The following C10orf67 variants were observed in gnomAD, a reference collection of about 807,000 sequenced individuals.
C10orf67 encodes chromosome 10 open reading frame 67.
In C10orf67, 60 loss-of-function variants were observed where a neutral mutation model predicts 35.6. The ratio of observed to expected loss-of-function variants is 1.68; its 90% CI spans 1.37 to 2.09. The LOEUF is 2.09. Ranked by LOEUF, C10orf67 falls within the 30% of genes most tolerant of loss-of-function variation. The pLI is 0.00. For missense variants in C10orf67, 474 were observed against 330.2 expected (o/e 1.44, Z -3.38); for synonymous variants, 167 against 115.8 (o/e 1.44, Z -2.84).
intron 15 of C10orf67, among the ~76,000 whole-genome samples, chr10:23,208,898 G>A (rs1841230202): frequency 6.6e-6 from 1 of 152,086 alleles, no homozygotes. Context: ...AGCAAGCTTG[G>A]CTTAGCCTAC....
chr10:23,340,345 A>G (rs1189384485), intron 1 of C10orf67, among the ~76,000 whole-genome samples: 5 of 77,616 alleles, frequency 6.4e-5, no homozygotes, highest in Non-Finnish European at 9.7e-5. Flanking sequence ...TCTCTACAAA[A>G]ATACAAAAAA....
At chr10:23,322,969 G>C (rs1266444757) in intron 2 of C10orf67, among the ~76,000 whole-genome samples, 1 of 152,080 alleles carries the variant, frequency 6.6e-6, no homozygotes, top group Non-Finnish European at 1.5e-5. Context: ...CCTGGTCAGA[G>C]GTCTGTCCTG....
chr10:23,298,273 A>G (rs1442593234), intron 5 of C10orf67, among the ~76,000 whole-genome samples: 1 of 151,774 alleles, frequency 6.6e-6, no homozygotes, highest in Non-Finnish European at 1.5e-5. Context: ...AAACAAACAA[A>G]AAAATAAAAA....
At chr10:23,319,003 C>G in intron 4 of C10orf67, 1 of 713,958 alleles carries the variant, frequency 1.4e-6, no homozygotes, top group Non-Finnish European at 2.6e-6. Context: ...CCTTTTTTTT[C>G]TTTCCAATTT....
chr10:23,333,027 T>A, intron 2 of C10orf67, 35 bp downstream of exon 2: 1 of 1,596,898 alleles, frequency 6.3e-7, no homozygotes, highest in Non-Finnish European at 8.5e-7. Context: ...ACGCCAAAAA[T>A]TATCTCAGAA....
rs529848375 is a variant in C10orf67, at chr10:23,265,252, T to C, written c.1200+1010A>G. ...CCCGCTCTGTGGATATGAGGAGTGG[T>C]CCATCTCCTGGAGAGTGGGCACGAG... On this transcript the variant is annotated intron_variant, in intron 10 of 15. Coordinates refer to ENST00000636213, the MANE Select transcript of C10orf67 (RefSeq NM_001371909.1). Among the ~76,000 whole-genome samples, 4 of 152,376 alleles carry C rather than the reference T, an allele frequency of 2.6e-5. No individual in the cohort carries two copies. The East Asian group carries it at 7.7e-4, about 29-fold the overall frequency.
intron 8 of C10orf67, among the ~76,000 whole-genome samples, chr10:23,277,296 T>C (rs1350231357): frequency 6.6e-6 from 1 of 152,176 alleles, no homozygotes; most frequent in African/African-American, 2.4e-5. Flanking sequence ...CTCATGCTTG[T>C]AATTCTAGCA....
chr10:23,285,018 T>A (rs1843491085), intron 7 of C10orf67, among the ~76,000 whole-genome samples: 1 of 152,206 alleles, frequency 6.6e-6, no homozygotes, highest in African/African-American at 2.4e-5. Context: ...ATTGATTTAG[T>A]GCAGGATATT....
chr10:23,287,928 C>A (rs537616725), intron 7 of C10orf67, among the ~76,000 whole-genome samples: 75 of 152,308 alleles, frequency 4.9e-4, no homozygotes, highest in African/African-American at 1.8e-3. Context: ...GATACCATGT[C>A]ACACCAGTCA....
At chr10:23,266,531 G>A (rs1216767724) in intron 9 of C10orf67, 105 bp from the exon 10 acceptor site, 2 of 396,942 alleles carry the variant, frequency 5.0e-6, no homozygotes, top group Admixed American at 8.8e-5. Context: ...TTGCAGAACT[G>A]AGGTTTTCAG....
At chr10:23,312,410 C>G (rs930667405) in intron 4 of C10orf67, among the ~76,000 whole-genome samples, 5 of 152,212 alleles carry the variant, frequency 3.3e-5, no homozygotes, top group African/African-American at 1.2e-4. Context: ...ATTTTTTGAG[C>G]ATTTCCTTGC....
At chr10:23,257,717 G>A (rs1281580473) in intron 10 of C10orf67, among the ~76,000 whole-genome samples, 2 of 152,044 alleles carry the variant, frequency 1.3e-5, no homozygotes, top group African/African-American at 2.4e-5. Context: ...GTGGGAGGAT[G>A]GCCTGAACCC....
intron 4 of C10orf67, among the ~76,000 whole-genome samples, chr10:23,306,549 A>AC (rs1414825232): frequency 3.8e-4 from 57 of 151,050 alleles, no homozygotes; most frequent in Middle Eastern, 3.5e-3. Flanking sequence ...AAAAAAAAAA[A>AC]AAGAATGGTG....
chr10:23,213,658 CAT>C (rs1841365870), intron 15 of C10orf67, among the ~76,000 whole-genome samples: 1 of 152,126 alleles, frequency 6.6e-6, no homozygotes, highest in Non-Finnish European at 1.5e-5. Flanking sequence ...TAAACATACA[CAT>C]ATATTAAAAC....
At chr10:23,333,271 T>C (rs904402546) in intron 1 of C10orf67, 89 bp from the exon 2 acceptor site, 1 of 1,284,432 alleles carries the variant, frequency 7.8e-7, no homozygotes, top group African/African-American at 1.5e-5. Context: ...GTAAATCATA[T>C]CGTATTTTAA....
intron 12 of C10orf67, among the ~76,000 whole-genome samples, chr10:23,240,889 C>T (rs1842161784): frequency 6.6e-6 from 1 of 152,216 alleles, no homozygotes; most frequent in Non-Finnish European, 1.5e-5. Flanking sequence ...TCAGCAACAA[C>T]ACTGCCAGAT....
Position 23,220,786 on chromosome 10 carries a change from A to G in C10orf67, c.1570+2812T>C, listed in dbSNP as rs1004258170. Among the ~76,000 whole-genome samples, 4 of 152,198 alleles carry G rather than the reference A, an allele frequency of 2.6e-5. No individual in the cohort carries two copies. In the South Asian group the frequency reaches 8.3e-4, roughly 31 times the overall value. Reference sequence around the variant, plus strand: ...TAAAAACGTGAAAGGCATTTAGAATATTATGTATATCCACTGAATGATAGT... The same window carrying G: ...TAAAAACGTGAAAGGCATTTAGAATGTTATGTATATCCACTGAATGATAGT... On this transcript the variant is annotated intron_variant, in intron 15 of 15. Coordinates refer to ENST00000636213, the MANE Select transcript of C10orf67 (RefSeq NM_001371909.1).
intron 13 of C10orf67, among the ~76,000 whole-genome samples, chr10:23,225,934 C>T (rs1841726854): frequency 6.6e-6 from 1 of 152,016 alleles, no homozygotes; most frequent in Non-Finnish European, 1.5e-5. Context: ...GACTTTGACA[C>T]CCCACTGTCA....
At chr10:23,308,264 G>T (rs1564502225) in intron 4 of C10orf67, among the ~76,000 whole-genome samples, 2 of 152,042 alleles carry the variant, frequency 1.3e-5, no homozygotes, top group South Asian at 2.1e-4. Flanking sequence ...TACTTGCCTT[G>T]TTCACCTGGA....
Sources: allele counts gnomAD v4.1 joint callset (sites outside exome capture counted in the v4.1 genomes callset), GRCh38; gene constraint gnomAD v4.1.1; transcripts MANE v1.5; gene names NCBI Gene and HGNC (gene_info 2026-07-23, HGNC 2026-07-21).